The following IL17REL variants were observed in gnomAD, a reference collection of about 807,000 sequenced individuals.
IL17REL encodes interleukin-17 receptor E-like protein.
In IL17REL, 36 loss-of-function variants were observed where a neutral mutation model predicts 49.0. That is an observed-to-expected ratio of 0.73 (90% CI 0.56 to 0.97). The LOEUF is 0.97. Ranked by LOEUF, IL17REL falls within the 50% of genes least tolerant of loss-of-function variation. IL17REL has a pLI of 0.00. For missense variants in IL17REL, 470 were observed against 453.9 expected (o/e 1.04, Z -0.32); for synonymous variants, 206 against 192.4 (o/e 1.07, Z -0.58).
intron 1 of IL17REL, among the ~76,000 whole-genome samples, chr22:50,003,487 C>T (rs966424958): frequency 7.2e-6 from 1 of 139,306 alleles, no homozygotes; most frequent in African/African-American, 2.7e-5. Context: ...TGCCACTGCA[C>T]TCCAGCCTGG....
At chr22:49,993,351 G>A (rs747979247), downstream of IL17REL, among the ~76,000 whole-genome samples, 6 of 152,184 alleles carry the variant, frequency 3.9e-5, no homozygotes, top group East Asian at 1.9e-4. This position sits in a 1 kb window ranked among gnomAD's most constrained non-coding sequence, Gnocchi z 6.0. Context: ...CGCCCCTACC[G>A]CACCCCCCTT....
chr22:49,997,121 C>T, intron 11 of IL17REL, 47 bp from the exon 14 acceptor site: 1 of 1,528,840 alleles, frequency 6.5e-7, no homozygotes, highest in South Asian at 1.2e-5. Flanking sequence ...AAGGGTGGAT[C>T]AGGCTAAACA....
At chr22:50,009,647 G>C (rs1236240397), upstream of IL17REL, among the ~76,000 whole-genome samples, 1 of 150,934 alleles carries the variant, frequency 6.6e-6, no homozygotes, top group East Asian at 2.0e-4. Flanking sequence ...GTCGGGGTGG[G>C]GGTGGGGGTG....
chr22:50,004,681 T>C (rs1396067220), intron 1 of IL17REL, among the ~76,000 whole-genome samples: 1 of 150,984 alleles, frequency 6.6e-6, no homozygotes, highest in Non-Finnish European at 1.5e-5. Context: ...GCCAACATGG[T>C]GAAACCCTGT....
rs1199462350 is a variant in IL17REL at position 49,997,752 on chromosome 22, G to T, written c.820-10C>A. ...CCCAACTGGTAGAGAACTGCAAAGT[G>T]GGGTGAGGGGTGCAGGAGGGTGGAG... is the stretch of plus-strand genomic sequence containing the variant. On this transcript the variant is annotated splice_polypyrimidine_tract_variant and intron_variant, in intron 9 of 12. Transcript: ENST00000341280. 3.1e-6 allele frequency: 5 copies of T among 1,613,740 alleles called. No individual in the cohort carries two copies. The highest frequency in any genetic ancestry group is 4.2e-6 in the Non-Finnish European group (5 of 1,179,856).
At chr22:49,994,717 TG>T (rs2146733902) in exon 13 of IL17REL, 2 of 152,414 alleles carry the variant, frequency 1.3e-5, no homozygotes, top group African/African-American at 4.8e-5. Context: ...CGACCACCGC[TG>T]GGACAGGCTG....
chr22:50,005,648 A>C (rs1440588975), intron 1 of IL17REL, among the ~76,000 whole-genome samples: 2 of 151,988 alleles, frequency 1.3e-5, no homozygotes, highest in African/African-American at 4.8e-5. Flanking sequence ...CTAAAAATAC[A>C]ATGATTAGCT....
At chr22:49,999,912 C>T (rs375723196) in exon 5 of IL17REL, 31 of 1,538,488 alleles carry the variant, frequency 2.0e-5, no homozygotes, top group Non-Finnish European at 2.5e-5. Flanking sequence ...AGGCCCTGGG[C>T]ACTTGCACCA....
At chr22:50,003,519 C>CAAA (rs142337526) in intron 1 of IL17REL, among the ~76,000 whole-genome samples, 1,074 of 38,890 alleles carry the variant, frequency 0.028, 88 homozygotes, top group Middle Eastern at 0.067. Context: ...GACTCCATCT[C>CAAA]AAAAAAAAAA....
exon 2 of IL17REL, chr22:50,001,084 T>C: frequency 6.3e-7 from 1 of 1,582,020 alleles, no homozygotes; most frequent in Non-Finnish European, 8.6e-7. Flanking sequence ...CCTCTCACCA[T>C]GCAGGGTGAT....
exon 13 of IL17REL, chr22:49,996,017 T>G (rs2061032070): frequency 6.6e-6 from 1 of 152,538 alleles, no homozygotes; most frequent in African/African-American, 2.4e-5. Flanking sequence ...GAGGGGGACC[T>G]AGGCTTGGCC....
chr22:50,008,219 C>T (rs147628840), intron 1 of IL17REL, among the ~76,000 whole-genome samples: 282 of 152,316 alleles, frequency 1.9e-3, no homozygotes, highest in Admixed American at 4.4e-3. Context: ...GTGGCATCTG[C>T]ATCACTCAGA....
chr22:49,995,944 C>G (rs2061031682), exon 13 of IL17REL: 1 of 152,418 alleles, frequency 6.6e-6, no homozygotes, highest in Non-Finnish European at 1.5e-5. Flanking sequence ...CCCAGGGACA[C>G]CTGACCAGCA....
intron 4 of IL17REL, among the ~76,000 whole-genome samples, 83 bp from the exon 6 acceptor site, chr22:50,000,323 G>C (rs2061070352): frequency 1.3e-5 from 2 of 152,236 alleles, no homozygotes; most frequent in Non-Finnish European, 2.9e-5. Flanking sequence ...CCATCCACGC[G>C]CTGTGCCTCT....
chr22:50,010,916 C>T (rs1260983915), upstream of IL17REL, among the ~76,000 whole-genome samples: 2 of 151,834 alleles, frequency 1.3e-5, no homozygotes, highest in African/African-American at 4.8e-5. Context: ...GGGGGGTGTG[C>T]AGGGAACCCC....
At chr22:50,011,617 G>A (rs1321234071), upstream of IL17REL, among the ~76,000 whole-genome samples, 12 of 151,854 alleles carry the variant, frequency 7.9e-5, no homozygotes, top group African/African-American at 2.4e-5. Context: ...CTGCAGGGTG[G>A]CATCCGGTGG....
At chr22:50,000,062 T>G in intron 4 of IL17REL, 95 bp from the exon 7 acceptor site, 1 of 1,341,266 alleles carries the variant, frequency 7.5e-7, no homozygotes, top group Non-Finnish European at 9.7e-7. Context: ...TGGCTCCTGC[T>G]GGGTTCAGAC....
chr22:50,001,194 CA>C, exon 2 of IL17REL: 2 of 1,582,616 alleles, frequency 1.3e-6, no homozygotes, highest in Non-Finnish European at 1.7e-6. Context: ...TGGACATGGA[CA>C]CGGGGCGTGG....
At position 49,999,980 on chromosome 22, in the gene IL17REL, G is replaced by A. The variant is rs1194697885; in HGVS notation, c.335-13C>T. 2 of 1,495,136 alleles carry A rather than the reference G, an allele frequency of 1.3e-6. No individual in the cohort carries two copies. Among genetic ancestry groups the A allele is most frequent in the Admixed American group, 2.2e-5 (1 of 44,632 alleles). The allele number at this position is 1,495,136 out of a possible 1,614,324, so 92.6% of individuals were successfully genotyped here. On this transcript the variant is annotated splice_polypyrimidine_tract_variant and intron_variant, in intron 4 of 12. Transcript: ENST00000341280. ...CTGAGCTTCCCCGCTGCAGGAGGCG[G>A]CAAGTCGGGGCCGCGCTGGGACCAG...
Sources: allele counts gnomAD v4.1 joint callset (sites outside exome capture counted in the v4.1 genomes callset), GRCh38; gene constraint gnomAD v4.1.1; non-coding constraint Gnocchi (gnomAD v3.1); transcripts MANE v1.5; gene names NCBI Gene and HGNC (gene_info 2026-07-23, HGNC 2026-07-21).